Variants in DSCAM observed in about 807,000 individuals in gnomAD.
The protein encoded by DSCAM is cell adhesion molecule DSCAM.
DSCAM carries 47 observed loss-of-function variants against 217.7 expected under a neutral mutation model. The observed-to-expected ratio is 0.22, with a 90% confidence interval of 0.17 to 0.28. The LOEUF (loss-of-function observed/expected upper bound fraction) is 0.28, where lower values mean the gene tolerates loss of function less well. DSCAM is among the 10% of genes least tolerant of loss of function. The probability of loss-of-function intolerance (pLI) is 1.00; values close to 1 mark genes in which losing one functional copy is unlikely to be tolerated. For synonymous variants in DSCAM, 1,056 were observed against 1,015.3 expected (o/e 1.04, Z -0.76); for missense variants, 2,080 against 2,618.3 (o/e 0.79, Z 4.49).
intron 28 of DSCAM, among the ~76,000 whole-genome samples, chr21:40,061,587 AAAAAGG>A (rs1432388391): frequency 7.4e-5 from 3 of 40,372 alleles, no homozygotes; most frequent in Non-Finnish European, 1.8e-4. Context: ...AAAAAAAAAG[AAAAAGG>A]AAAAGACTTA....
chr21:40,651,514 G>A (rs980800365), intron 3 of DSCAM, among the ~76,000 whole-genome samples: 2 of 152,068 alleles, frequency 1.3e-5, no homozygotes, highest in Non-Finnish European at 2.9e-5. Flanking sequence ...ATCCCATCTC[G>A]ATTATCTCAT....
intron 20 of DSCAM, among the ~76,000 whole-genome samples, chr21:40,120,728 C>T (rs1287913418): frequency 6.6e-6 from 1 of 152,190 alleles, no homozygotes; most frequent in Non-Finnish European, 1.5e-5. Context: ...GTTCAGTCCA[C>T]ATCATCTTTA....
intron 8 of DSCAM, among the ~76,000 whole-genome samples, chr21:40,325,982 G>T (rs1222191645): frequency 1.3e-5 from 2 of 152,078 alleles, no homozygotes; most frequent in Non-Finnish European, 2.9e-5. Flanking sequence ...AGGGCTGGGT[G>T]GGGGGCAAAC....
chr21:40,101,753 T>G (rs1040448644), intron 20 of DSCAM, among the ~76,000 whole-genome samples: 2 of 151,034 alleles, frequency 1.3e-5, no homozygotes, highest in African/African-American at 4.9e-5. Flanking sequence ...ATTCTTACAG[T>G]GGGCTGGTCA....
chr21:40,097,954 A>AAAAAAAAAAAGAAAG (rs1555877400), intron 20 of DSCAM, among the ~76,000 whole-genome samples: 1 of 51,516 alleles, frequency 1.9e-5, no homozygotes, highest in Non-Finnish European at 3.6e-5. Context: ...AAAAAAAAAA[A>AAAAAAAAAAAGAAAG]AAAGAAAGAA....
chr21:40,308,739 C>G (rs1004521403), intron 9 of DSCAM, among the ~76,000 whole-genome samples: 37 of 152,118 alleles, frequency 2.4e-4, no homozygotes, highest in African/African-American at 8.9e-4. Context: ...GAAAGCAGTT[C>G]TTATATATAT....
intron 32 of DSCAM, among the ~76,000 whole-genome samples, chr21:40,033,528 C>T (rs2088572118): frequency 1.3e-5 from 2 of 151,754 alleles, no homozygotes; most frequent in Admixed American, 1.3e-4. Context: ...GGTCCCACAC[C>T]CACTGAGTCT....
At chr21:40,089,561 CTCT>C (rs2089578480) in intron 21 of DSCAM, among the ~76,000 whole-genome samples, 1 of 152,192 alleles carries the variant, frequency 6.6e-6, no homozygotes, top group East Asian at 1.9e-4. Context: ...AGTGGTCCTC[CTCT>C]TCTTCAACTG....
chr21:40,243,850 T>C (rs1004059778), intron 11 of DSCAM, among the ~76,000 whole-genome samples: 4 of 152,132 alleles, frequency 2.6e-5, no homozygotes, highest in African/African-American at 9.7e-5. Flanking sequence ...CCCAGTGTCA[T>C]GGAGACGGTC....
intron 1 of DSCAM, among the ~76,000 whole-genome samples, chr21:40,748,896 G>A (rs1376658886): frequency 6.6e-6 from 1 of 152,100 alleles, no homozygotes; most frequent in African/African-American, 2.4e-5. Flanking sequence ...ATTGATGAAT[G>A]TGACAAAATA....
rs2074788633 is a variant in DSCAM at position 40,363,276 on chromosome 21, G to A, written c.655+5823C>T. Among the ~76,000 whole-genome samples, 4 of 107,016 alleles carry A rather than the reference G, an allele frequency of 3.7e-5. No homozygotes were observed. The South Asian group carries it at 1.3e-3, about 34-fold the overall frequency. The allele number at this position is 107,016 out of a possible 152,430, so 70.2% of individuals were successfully genotyped here. On this transcript the variant is annotated intron_variant, in intron 4 of 32. Transcript: ENST00000400454. ...TCTTTTTTTTTTTTTTTTTTGAGATGGAAGTTCACTCTTGTCACCAGGCTG... is the reference window on the plus strand; with the variant it reads ...TCTTTTTTTTTTTTTTTTTTGAGATAGAAGTTCACTCTTGTCACCAGGCTG...
intron 3 of DSCAM, among the ~76,000 whole-genome samples, chr21:40,548,058 G>A (rs935067933): frequency 2.0e-5 from 3 of 152,222 alleles, no homozygotes; most frequent in Non-Finnish European, 4.4e-5. Context: ...GGAGCGGGGA[G>A]AGAGCCGGTT....
chr21:40,385,824 CT>C (rs59612523), intron 3 of DSCAM, among the ~76,000 whole-genome samples: 3,538 of 152,106 alleles, frequency 0.023, 128 homozygotes, highest in African/African-American at 0.081. Context: ...TCTGATAAGC[CT>C]TTGTCAGAAA....
At position 40,167,301 on chromosome 21, in the gene DSCAM, A is replaced by G; in HGVS notation, c.2948-13T>C. 6.2e-7 allele frequency: 1 copy of G among 1,613,876 alleles called. No individual in the cohort carries two copies. ...GGACCATCAGGAGCTGTAAGGACCAAAAACCCACAGGCAGGTTAGAGACGC... is the reference window on the plus strand; with the variant it reads ...GGACCATCAGGAGCTGTAAGGACCAGAAACCCACAGGCAGGTTAGAGACGC... On this transcript the variant is annotated splice_polypyrimidine_tract_variant and intron_variant, in intron 15 of 32. Transcript: ENST00000400454.
intron 3 of DSCAM, among the ~76,000 whole-genome samples, chr21:40,372,960 G>A (rs1297087648): frequency 6.6e-6 from 1 of 152,066 alleles, no homozygotes; most frequent in Non-Finnish European, 1.5e-5. Context: ...TTTCTATGTA[G>A]GGACACAAAA....
chr21:40,017,740 C>T (rs1380480399), intron 32 of DSCAM, among the ~76,000 whole-genome samples: 5 of 152,118 alleles, frequency 3.3e-5, no homozygotes, highest in African/African-American at 7.2e-5. Context: ...TTAGTAGAGA[C>T]AGGGTTTCTC....
intron 20 of DSCAM, among the ~76,000 whole-genome samples, chr21:40,095,915 G>A (rs2089670043): frequency 6.6e-6 from 1 of 152,134 alleles, no homozygotes; most frequent in South Asian, 2.1e-4. Flanking sequence ...AAACTATAAT[G>A]CATGAAATAA....
chr21:40,740,851 G>C (rs2091116625), intron 1 of DSCAM, among the ~76,000 whole-genome samples: 1 of 152,196 alleles, frequency 6.6e-6, no homozygotes, highest in Non-Finnish European at 1.5e-5. Flanking sequence ...AGGTTTTAGT[G>C]GAAGTAACAG....
chr21:40,622,619 T>G (rs1485784018), intron 3 of DSCAM, among the ~76,000 whole-genome samples: 1 of 152,208 alleles, frequency 6.6e-6, no homozygotes, highest in African/African-American at 2.4e-5. Flanking sequence ...GCATGTTCAT[T>G]TGTACATCTG....
Sources: allele counts gnomAD v4.1 joint callset (sites outside exome capture counted in the v4.1 genomes callset), GRCh38; gene constraint gnomAD v4.1.1; transcripts MANE v1.5; gene names NCBI Gene and HGNC (gene_info 2026-07-23, HGNC 2026-07-21).